FNDC1: variants seen among roughly 807,000 people sequenced by gnomAD.
FNDC1 encodes fibronectin type III domain containing 1, also known as fibronectin type III domain-containing protein 1.
FNDC1 carries 96 observed loss-of-function variants against 168.0 expected under a neutral mutation model. The observed-to-expected ratio is 0.57, with a 90% CI of 0.48 to 0.68. The LOEUF is 0.68. Ranked by LOEUF, FNDC1 falls within the 30% of genes least tolerant of loss-of-function variation. FNDC1 has a pLI of 0.00. For synonymous variants in FNDC1, 1,099 were observed against 1,025.9 expected (o/e 1.07, Z -1.36); for missense variants, 2,587 against 2,482.1 (o/e 1.04, Z -0.90).
At chr6:159,256,062 C>G (rs1777363849) in intron 17 of FNDC1, among the ~76,000 whole-genome samples, 1 of 152,208 alleles carries the variant, frequency 6.6e-6, no homozygotes. Context: ...GCATGGGACC[C>G]CTGGGCGTGT....
chr6:159,215,547 G>C (rs1012689329), intron 5 of FNDC1, among the ~76,000 whole-genome samples: 1 of 152,190 alleles, frequency 6.6e-6, no homozygotes, highest in Admixed American at 6.5e-5. Flanking sequence ...CATGGTAGCC[G>C]AGTGAAACTG....
chr6:159,229,184 C>T (rs961109625), intron 9 of FNDC1, among the ~76,000 whole-genome samples: 6 of 152,166 alleles, frequency 3.9e-5, no homozygotes, highest in Non-Finnish European at 8.8e-5. Flanking sequence ...GACTATAGAG[C>T]AAGCCAATTA....
chr6:159,213,793 G>A (rs1232331581), intron 4 of FNDC1, among the ~76,000 whole-genome samples: 1 of 152,186 alleles, frequency 6.6e-6, no homozygotes, highest in African/African-American at 2.4e-5. Context: ...GTAGCCTATA[G>A]GAATGGGGTG....
At chr6:159,236,162 C>A in intron 11 of FNDC1, 53 bp from the exon 12 acceptor site, 1 of 1,343,286 alleles carries the variant, frequency 7.4e-7, no homozygotes, top group South Asian at 1.3e-5. Flanking sequence ...GCCAACTTCC[C>A]GGGCATGTTG....
Position 159,182,302 on chromosome 6 carries a change from A to G in FNDC1, c.109+12597A>G, listed in dbSNP as rs368249672. On this transcript the variant is annotated intron_variant, in intron 1 of 22. Transcript: ENST00000297267. ...CACTGGCACTCTGAAATTGTAATGT[A>G]GTTTCATTACAGGAAACAATTCTCA... is the stretch of plus-strand genomic sequence containing the variant. Among the ~76,000 whole-genome samples, 5 of 152,322 alleles carry G rather than the reference A, an allele frequency of 3.3e-5. No homozygotes were observed. The East Asian group carries it at 9.6e-4, about 29-fold the overall frequency.
At chr6:159,207,176 G>C (rs1782503160) in intron 4 of FNDC1, among the ~76,000 whole-genome samples, 1 of 152,182 alleles carries the variant, frequency 6.6e-6, no homozygotes, top group Non-Finnish European at 1.5e-5. Flanking sequence ...GATTGATTGG[G>C]CACAGCCTTC....
chr6:159,237,860 A>C (rs1290028296), intron 12 of FNDC1, among the ~76,000 whole-genome samples: 1 of 152,250 alleles, frequency 6.6e-6, no homozygotes, highest in East Asian at 1.9e-4. Context: ...ATCTGAGTTC[A>C]CATATACGTA....
chr6:159,177,541 T>C (rs994290453), intron 1 of FNDC1, among the ~76,000 whole-genome samples: 1 of 151,920 alleles, frequency 6.6e-6, no homozygotes, highest in African/African-American at 2.4e-5. Context: ...GGGCAGGACC[T>C]GGGGCAGGTG....
chr6:159,271,451 C>T lies in FNDC1; in HGVS notation c.*9C>T, dbSNP rs913682212. ...TCCCTGGAAAGTGGTAATCACAGGA[C>T]CGTCATGCTGCAAGCTTGCCCTGCC... is the stretch of plus-strand genomic sequence containing the variant. On this transcript the variant is annotated 3_prime_UTR_variant, in exon 23 of 23. Transcript: ENST00000297267. 7 of 1,590,084 alleles carry T rather than the reference C, an allele frequency of 4.4e-6. No homozygotes were observed. Among genetic ancestry groups the T allele is most frequent in the Non-Finnish European group, 5.2e-6 (6 of 1,164,562 alleles).
At chr6:159,170,626 A>T (rs1452162600) in intron 1 of FNDC1, among the ~76,000 whole-genome samples, 1 of 152,172 alleles carries the variant, frequency 6.6e-6, no homozygotes. Context: ...TACTATTCCA[A>T]CGAGGGTACC....
intron 15 of FNDC1, 96 bp from the exon 16 acceptor site, chr6:159,248,943 T>A: frequency 8.4e-7 from 1 of 1,190,684 alleles, no homozygotes; most frequent in Non-Finnish European, 1.2e-6. Context: ...CTGTCTGGGT[T>A]TCAGCCTACA....
At chr6:159,180,953 T>C (rs1277062603) in intron 1 of FNDC1, among the ~76,000 whole-genome samples, 1 of 152,222 alleles carries the variant, frequency 6.6e-6, no homozygotes, top group Non-Finnish European at 1.5e-5. Flanking sequence ...CGTGTGCATG[T>C]ATCTTTATAA....
chr6:159,265,550 C>T lies in FNDC1; in HGVS notation c.5285-534C>T, dbSNP rs143838244. 2.0e-3 allele frequency among the ~76,000 whole-genome samples: 300 copies of T among 152,174 alleles called. 1 individual carries two copies. Among genetic ancestry groups the T allele is most frequent in the South Asian group, 4.2e-3 (20 of 4,816 alleles). On this transcript the variant is annotated intron_variant, in intron 20 of 22. Transcript: ENST00000297267. ...TATTGAAATGTGTATACTTTAAATA[C>T]GTTCAGGTAAATGGAACGGCCCAAA...
At chr6:159,223,745 A>T (rs1451406198) in intron 7 of FNDC1, 100 bp downstream of exon 7, 3 of 681,414 alleles carry the variant, frequency 4.4e-6, no homozygotes, top group Non-Finnish European at 7.6e-6. Context: ...ACTTACATGA[A>T]TGCTGGTCTC....
intron 18 of FNDC1, among the ~76,000 whole-genome samples, chr6:159,257,856 C>G (rs1777406782): frequency 6.7e-6 from 1 of 148,376 alleles, no homozygotes; most frequent in Non-Finnish European, 1.5e-5. Flanking sequence ...TTTTTTTAAT[C>G]AATTAGAGAA....
chr6:159,229,294 C>T (rs561808931), intron 9 of FNDC1, among the ~76,000 whole-genome samples: 48 of 152,274 alleles, frequency 3.2e-4, no homozygotes, highest in African/African-American at 1.2e-3. Context: ...ATACTAAGAA[C>T]TTTTATAATT....
chr6:159,204,234 C>T (rs962706651), intron 4 of FNDC1, among the ~76,000 whole-genome samples: 8 of 152,286 alleles, frequency 5.3e-5, no homozygotes, highest in Admixed American at 2.0e-4. Context: ...CACTGACTTC[C>T]GGGTTGCTCC....
intron 2 of FNDC1, 76 bp downstream of exon 2, chr6:159,197,701 CTG>C: frequency 7.4e-7 from 1 of 1,351,602 alleles, no homozygotes; most frequent in Non-Finnish European, 1.0e-6. Flanking sequence ...CTTAGGATGA[CTG>C]TGAGACAACC....
At chr6:159,271,009 G>A (rs1244349499) in intron 22 of FNDC1, among the ~76,000 whole-genome samples, 2 of 152,150 alleles carry the variant, frequency 1.3e-5, no homozygotes, top group Non-Finnish European at 2.9e-5. Flanking sequence ...TTAGTCACTG[G>A]GTTCCTATGG....
Sources: gnomAD v4.1 joint callset for allele counts (sites outside exome capture counted in the v4.1 genomes callset) on GRCh38, gnomAD v4.1.1 for gene constraint, MANE v1.5 for transcripts, NCBI Gene and HGNC (gene_info 2026-07-23, HGNC 2026-07-21) for gene names.